HPSE2: variants seen among roughly 807,000 people sequenced by gnomAD.
The protein encoded by HPSE2 is heparanase 2 (inactive).
Under a neutral mutation model 60.5 loss-of-function variants are expected in HPSE2, and 38 were observed. The observed-to-expected ratio is 0.63, with a 90% CI of 0.48 to 0.82. The LOEUF (loss-of-function observed/expected upper bound fraction) is 0.82, where lower values mean the gene tolerates loss of function less well. Ranked by LOEUF, HPSE2 falls within the 40% of genes least tolerant of loss-of-function variation. The probability of loss-of-function intolerance (pLI) is 0.00; values close to 1 mark genes in which losing one functional copy is unlikely to be tolerated. For synonymous variants in HPSE2, 295 were observed against 293.2 expected (o/e 1.01, Z -0.06); for missense variants, 713 against 740.4 (o/e 0.96, Z 0.43).
intron 3 of HPSE2, among the ~76,000 whole-genome samples, chr10:99,099,281 G>C (rs971356210): frequency 6.6e-6 from 1 of 152,184 alleles, no homozygotes; most frequent in African/African-American, 2.4e-5. Flanking sequence ...GGAAAATCAG[G>C]TCACTCCCAC....
At chr10:98,476,384 A>G (rs1217164513) in intron 11 of HPSE2, among the ~76,000 whole-genome samples, 2 of 148,444 alleles carry the variant, frequency 1.3e-5, no homozygotes, top group East Asian at 4.0e-4. Context: ...TGACGAGTTA[A>G]TGGGTGCAGC....
chr10:98,930,148 A>T (rs1954603745), intron 3 of HPSE2, among the ~76,000 whole-genome samples: 1 of 143,032 alleles, frequency 7.0e-6, no homozygotes, highest in Non-Finnish European at 1.5e-5. Flanking sequence ...TCCACTATCC[A>T]CAACAGGCCC....
At chr10:99,248,852 A>C in the HPSE2 span, among the ~76,000 whole-genome samples, 1 of 152,340 alleles carries the variant, frequency 6.6e-6, no homozygotes, top group Non-Finnish European at 1.5e-5. Flanking sequence ...GCCATGGCTA[A>C]AAGAGCCCCA....
At chr10:98,738,068 C>T (rs1949403309) in intron 4 of HPSE2, among the ~76,000 whole-genome samples, 1 of 152,150 alleles carries the variant, frequency 6.6e-6, no homozygotes, top group Non-Finnish European at 1.5e-5. Flanking sequence ...ATCACACTAC[C>T]TGACTTCAAA....
chr10:98,902,830 A>G (rs528473760), intron 3 of HPSE2, among the ~76,000 whole-genome samples: 1 of 152,310 alleles, frequency 6.6e-6, no homozygotes, highest in African/African-American at 2.4e-5. Flanking sequence ...GGCACCAAAA[A>G]TAAGACAGAT....
In HPSE2 at chr10:98,458,585, C is replaced by CT. The variant is rs796622064; in HGVS notation, c.*988dup. 5.3e-5 allele frequency: 8 copies of CT among 152,176 alleles called. No individual in the cohort carries two copies. Among genetic ancestry groups the CT allele is most frequent in the African/African-American group, 1.7e-4 (7 of 41,524 alleles). The allele number at this position is 152,176 out of a possible 1,614,324, so 9.4% of individuals were successfully genotyped here. A position where few individuals can be genotyped will look rare whatever the true frequency, so the allele number is the denominator to read the frequency against. Reference sequence around the variant, plus strand: ...TGACCTTGATTCACACTTTTTTCTTCTTTTTTAAAAATAATGATTTGAGTT... The same window carrying CT: ...TGACCTTGATTCACACTTTTTTCTTCTTTTTTTAAAAATAATGATTTGAGTT... On this transcript the variant is annotated 3_prime_UTR_variant, in exon 12 of 12. Coordinates refer to ENST00000370552, the MANE Select transcript of HPSE2 (RefSeq NM_021828.5).
chr10:98,522,425 G>C (rs1211739711), intron 9 of HPSE2, among the ~76,000 whole-genome samples: 1 of 152,026 alleles, frequency 6.6e-6, no homozygotes, highest in Non-Finnish European at 1.5e-5. Context: ...GGGGGCGGGG[G>C]AAATAGGTCT....
rs958469104 is a variant in HPSE2, at chr10:99,160,989, G to T, written c.449-16590C>A. Among the ~76,000 whole-genome samples the T allele has an allele frequency of 9.2e-5, 14 of 151,920 alleles. No individual in the cohort carries two copies. In the East Asian group the frequency reaches 2.5e-3, roughly 27 times the overall value. On this transcript the variant is annotated intron_variant, in intron 2 of 11. Transcript: ENST00000370552. ...CTATCACTCTGAGTGGCCAGGGTGG[G>T]AAGATGGCTTGAGGCCAGAAGTTTG...
the HPSE2 span, among the ~76,000 whole-genome samples, chr10:99,275,905 G>C: frequency 6.6e-6 from 1 of 152,140 alleles, no homozygotes; most frequent in African/African-American, 2.4e-5. Flanking sequence ...GAAGGGGTGG[G>C]TGTGGGTGTG....
intron 2 of HPSE2, among the ~76,000 whole-genome samples, chr10:99,216,658 T>C (rs1849140262): frequency 1.3e-5 from 2 of 152,210 alleles, no homozygotes; most frequent in South Asian, 4.1e-4. Context: ...ATCTACTCTA[T>C]ACATCATTTT....
intron 11 of HPSE2, among the ~76,000 whole-genome samples, chr10:98,464,763 C>T (rs536723123): frequency 6.6e-6 from 1 of 152,164 alleles, no homozygotes; most frequent in African/African-American, 2.4e-5. Context: ...TCTAAAGAGG[C>T]TCCCTGGAGG....
Position 99,144,303 on chromosome 10 carries a change from G to A in HPSE2, c.545C>T (p.Ala182Val). The A allele has an allele frequency of 6.2e-7, 1 of 1,614,084 alleles. No homozygotes were observed. Among genetic ancestry groups the A allele is most frequent in the Non-Finnish European group, 8.5e-7 (1 of 1,180,000 alleles). Residue 182 changes from alanine (A) to valine (V), a missense_variant, in exon 3 of 12, where the codon GCT becomes GTT. Transcript: ENST00000370552. ...VMLELQREKA[A>V]QMHLVLLKEQ... ...CTTTAGAAGAACCAGATGCATCTGA[G>A]CTGCCTTCTCCCTTTGGAGCTCCAG...
At chr10:99,294,268 T>C in the HPSE2 span, among the ~76,000 whole-genome samples, 1 of 150,638 alleles carries the variant, frequency 6.6e-6, no homozygotes, top group East Asian at 1.9e-4. Context: ...ATATTCTAAT[T>C]TATATGTACA....
At chr10:99,251,795 C>G in the HPSE2 span, among the ~76,000 whole-genome samples, 1 of 137,270 alleles carries the variant, frequency 7.3e-6, no homozygotes, top group African/African-American at 2.8e-5. Flanking sequence ...GCAGCCAAGG[C>G]AGGAGGATCA....
At chr10:98,773,264 C>T (rs1280402782) in intron 3 of HPSE2, among the ~76,000 whole-genome samples, 1 of 152,130 alleles carries the variant, frequency 6.6e-6, no homozygotes, top group Non-Finnish European at 1.5e-5. Flanking sequence ...CTCTAGGATC[C>T]TGTGGGTTCC....
chr10:99,315,402 G>A, the HPSE2 span, among the ~76,000 whole-genome samples: 2 of 152,178 alleles, frequency 1.3e-5, no homozygotes, highest in African/African-American at 4.8e-5. Flanking sequence ...AAACAAAGAT[G>A]TTCTTTTCTT....
In HPSE2 at chr10:98,735,480, T is replaced by C. The variant is rs1450279117; in HGVS notation, c.784+8403A>G. ...GTGGGGTTGAAGCCCCCATAAAGAG[T>C]CCCCACTGGGGCACTGCCTAGTAGA... On this transcript the variant is annotated intron_variant, in intron 4 of 11. Coordinates refer to ENST00000370552, the MANE Select transcript of HPSE2 (RefSeq NM_021828.5). 2.0e-5 allele frequency among the ~76,000 whole-genome samples: 3 copies of C among 150,476 alleles called. No individual in the cohort carries two copies. The South Asian group carries it at 6.4e-4, about 32-fold the overall frequency.
intron 3 of HPSE2, among the ~76,000 whole-genome samples, chr10:98,994,628 C>A (rs957357661): frequency 6.6e-6 from 1 of 152,170 alleles, no homozygotes; most frequent in Non-Finnish European, 1.5e-5. Context: ...GTGGCTATAG[C>A]CATGTCAGCC....
intron 3 of HPSE2, among the ~76,000 whole-genome samples, chr10:98,815,068 G>C (rs1239176966): frequency 6.6e-6 from 1 of 152,166 alleles, no homozygotes; most frequent in Non-Finnish European, 1.5e-5. Context: ...AGGAATTCTA[G>C]ACCAGCCCAG....
Sources: gnomAD v4.1 joint callset for allele counts (sites outside exome capture counted in the v4.1 genomes callset) on GRCh38, gnomAD v4.1.1 for gene constraint, MANE v1.5 for transcripts, NCBI Gene and HGNC (gene_info 2026-07-23, HGNC 2026-07-21) for gene names.